Variants in LINGO2 observed in about 807,000 individuals in gnomAD.
LINGO2 encodes the protein leucine rich repeat and Ig domain containing 2.
A neutral mutation model predicts 30.6 loss-of-function variants in LINGO2; 14 were observed. That is an observed-to-expected ratio of 0.46 (90% confidence interval 0.30 to 0.72). The LOEUF (loss-of-function observed/expected upper bound fraction) is 0.72, where lower values mean the gene tolerates loss of function less well. Ranked by LOEUF, LINGO2 falls within the 30% of genes least tolerant of loss-of-function variation. The pLI, the probability that LINGO2 is intolerant of heterozygous loss-of-function variation, is 0.07. For synonymous variants in LINGO2, 317 were observed against 288.5 expected (o/e 1.10, Z -1.00); for missense variants, 729 against 751.7 (o/e 0.97, Z 0.35).
chr9:29,198,612 C>T, the LINGO2 span, among the ~76,000 whole-genome samples: 1 of 152,052 alleles, frequency 6.6e-6, no homozygotes, highest in South Asian at 2.1e-4. Context: ...TAGTTTGTGT[C>T]ATTCCGTATT....
At chr9:28,177,982 C>T (rs927471484) in intron 4 of LINGO2, among the ~76,000 whole-genome samples, 2 of 152,140 alleles carry the variant, frequency 1.3e-5, no homozygotes, top group African/African-American at 4.8e-5. Flanking sequence ...CCAACCTCCA[C>T]CAAGTGTTTT....
chr9:28,970,990 G>T, the LINGO2 span, among the ~76,000 whole-genome samples: 2 of 152,160 alleles, frequency 1.3e-5, no homozygotes. Flanking sequence ...TTCCCCTTGA[G>T]GAGAGGAAAG....
intron 5 of LINGO2, among the ~76,000 whole-genome samples, chr9:27,973,225 A>G (rs1432960331): frequency 6.6e-6 from 1 of 152,176 alleles, no homozygotes; most frequent in African/African-American, 2.4e-5. Flanking sequence ...TCTGACTAAA[A>G]CAGACACTTT....
chr9:28,177,361 C>G (rs987407471), intron 4 of LINGO2, among the ~76,000 whole-genome samples: 3 of 152,130 alleles, frequency 2.0e-5, no homozygotes, highest in African/African-American at 7.2e-5. Context: ...GCAGCCCAGC[C>G]ATTTTCCAAA....
the LINGO2 span, among the ~76,000 whole-genome samples, chr9:29,045,433 G>T: frequency 6.6e-6 from 1 of 151,888 alleles, no homozygotes; most frequent in Non-Finnish European, 1.5e-5. Context: ...ATATATTGAT[G>T]AGCAAAAAAA....
intron 4 of LINGO2, among the ~76,000 whole-genome samples, chr9:28,089,884 C>A (rs924723753): frequency 3.3e-5 from 5 of 152,116 alleles, no homozygotes; most frequent in Admixed American, 6.6e-5. Context: ...AAGGGGATAT[C>A]ACCATCGATC....
At chr9:28,182,021 A>G (rs1819362599) in intron 4 of LINGO2, among the ~76,000 whole-genome samples, 1 of 152,192 alleles carries the variant, frequency 6.6e-6, no homozygotes, top group South Asian at 2.1e-4. Flanking sequence ...CCCTAAAAAA[A>G]AAGAACAAAG....
chr9:28,804,953 G>A, the LINGO2 span, among the ~76,000 whole-genome samples: 1 of 152,092 alleles, frequency 6.6e-6, no homozygotes, highest in African/African-American at 2.4e-5. Flanking sequence ...AGCACCTAAG[G>A]AAAAGGTTAA....
At chr9:28,327,583 TA>T (rs1317842428) in intron 3 of LINGO2, among the ~76,000 whole-genome samples, 44 of 152,348 alleles carry the variant, frequency 2.9e-4, no homozygotes, top group African/African-American at 1.1e-3. Context: ...ATATTCCCTT[TA>T]CAGTCAAACT....
At chr9:28,504,455 C>A (rs924429015) in intron 1 of LINGO2, among the ~76,000 whole-genome samples, 1 of 151,776 alleles carries the variant, frequency 6.6e-6, no homozygotes, top group African/African-American at 2.4e-5. Context: ...GTAACCAGTA[C>A]ACACATAAGG....
intron 4 of LINGO2, among the ~76,000 whole-genome samples, chr9:28,038,139 C>A (rs1382252277): frequency 6.6e-6 from 1 of 152,136 alleles, no homozygotes; most frequent in Non-Finnish European, 1.5e-5. Context: ...ATTTCATTTT[C>A]TGGAATGATA....
chr9:28,350,966 A>C (rs899060706), intron 3 of LINGO2, among the ~76,000 whole-genome samples: 8 of 152,056 alleles, frequency 5.3e-5, no homozygotes, highest in East Asian at 1.9e-4. Flanking sequence ...ACAAAGACAC[A>C]ACATACCAGA....
the LINGO2 span, among the ~76,000 whole-genome samples, chr9:28,903,223 A>G: frequency 6.6e-6 from 1 of 152,194 alleles, no homozygotes; most frequent in Admixed American, 6.5e-5. Context: ...ACAAAGAATC[A>G]TAAGAGACTA....
At chr9:28,707,060 C>A in the LINGO2 span, among the ~76,000 whole-genome samples, 145 of 152,172 alleles carry the variant, frequency 9.5e-4, no homozygotes, top group African/African-American at 3.2e-3. Context: ...TATTGGTTTG[C>A]AATATGAATT....
the LINGO2 span, among the ~76,000 whole-genome samples, chr9:28,711,544 G>C: frequency 0.13 from 20,040 of 152,018 alleles, 1,579 homozygotes; most frequent in Admixed American, 0.27. Context: ...TTTTCAAAAA[G>C]AACTGATATG....
intron 1 of LINGO2, among the ~76,000 whole-genome samples, chr9:28,598,066 A>T (rs1413583633): frequency 1.3e-5 from 2 of 152,090 alleles, no homozygotes; most frequent in Non-Finnish European, 2.9e-5. Flanking sequence ...TGCCCAGCCT[A>T]TTTTGTATTT....
chr9:28,078,444 AT>A lies in LINGO2; in HGVS notation c.-86-66040del, dbSNP rs945061798. 2.0e-4 allele frequency among the ~76,000 whole-genome samples: 29 copies of A among 148,172 alleles called. 5 individuals carry two copies. Among genetic ancestry groups the A allele is most frequent in the African/African-American group, 6.3e-4 (24 of 38,014 alleles). ...TCTAAATCTGATTTTTAAATAGACT[AT>A]TTTTTTTTAGGATTTGTGAGCACAT... On this transcript the variant is annotated intron_variant, in intron 4 of 5. Coordinates refer to ENST00000379992, the Ensembl canonical transcript of LINGO2.
the LINGO2 span, among the ~76,000 whole-genome samples, chr9:29,040,869 G>T: frequency 6.6e-6 from 1 of 151,898 alleles, no homozygotes; most frequent in Non-Finnish European, 1.5e-5. Flanking sequence ...ATAAAAGATT[G>T]TAATTCAAAT....
At chr9:28,848,072 A>AC in the LINGO2 span, among the ~76,000 whole-genome samples, 6 of 47,890 alleles carry the variant, frequency 1.3e-4, no homozygotes, top group African/African-American at 6.5e-4. Context: ...TGTATATAAT[A>AC]TATATATACA....
Sources: gnomAD v4.1 joint callset for allele counts (sites outside exome capture counted in the v4.1 genomes callset) on GRCh38, gnomAD v4.1.1 for gene constraint, MANE v1.5 for transcripts, NCBI Gene and HGNC (gene_info 2026-07-23, HGNC 2026-07-21) for gene names.